PDE4D: variants seen among roughly 807,000 people sequenced by gnomAD.
PDE4D encodes the protein 3',5'-cyclic-AMP phosphodiesterase 4D.
Under a neutral mutation model 87.4 loss-of-function variants are expected in PDE4D, and 24 were observed. The ratio of observed to expected loss-of-function variants is 0.27; its 90% CI spans 0.20 to 0.39. PDE4D has a LOEUF of 0.39. Among genes scored for constraint, PDE4D ranks in the 10% least tolerant of loss-of-function variants. PDE4D has a pLI of 1.00. For synonymous variants in PDE4D, 384 were observed against 383.2 expected (o/e 1.00, Z -0.02); for missense variants, 714 against 1,041.0 (o/e 0.69, Z 4.32).
intron 3 of PDE4D, among the ~76,000 whole-genome samples, chr5:59,936,126 C>A (rs1380515733): frequency 6.6e-6 from 1 of 152,070 alleles, no homozygotes; most frequent in Non-Finnish European, 1.5e-5. Context: ...AAACCAAACA[C>A]CGCATGTTCT....
At chr5:60,132,626 T>C (rs1428562296) in intron 2 of PDE4D, among the ~76,000 whole-genome samples, 1 of 152,200 alleles carries the variant, frequency 6.6e-6, no homozygotes, top group Admixed American at 6.5e-5. Context: ...AGATACTTTC[T>C]GGTAAAATAG....
rs77487115 is a variant in PDE4D, at chr5:59,601,908, T to C, written c.455+291260A>G. Among the ~76,000 whole-genome samples the C allele has an allele frequency of 1.1e-4, 16 of 152,202 alleles. No homozygotes were observed. In the East Asian group the frequency reaches 3.1e-3, roughly 29 times the overall value. On this transcript the variant is annotated intron_variant, in intron 1 of 14. Coordinates refer to ENST00000340635, the MANE Select transcript of PDE4D (RefSeq NM_001104631.2). ...CAAAAACTTGATGGGGTGGAATACT[T>C]CCAAACTCATTTTACGAATCTAGCA...
chr5:59,257,217 C>T (rs1008952401), intron 1 of PDE4D, among the ~76,000 whole-genome samples: 2 of 151,990 alleles, frequency 1.3e-5, no homozygotes, highest in African/African-American at 4.8e-5. Context: ...GGAAAATGAT[C>T]GTGGCAATGA....
chr5:59,101,490 A>T (rs746977648), intron 5 of PDE4D, among the ~76,000 whole-genome samples: 3 of 152,192 alleles, frequency 2.0e-5, no homozygotes, highest in African/African-American at 4.8e-5. Flanking sequence ...ATTTTTCCAA[A>T]AATAATAAAT....
rs373073793 is a variant in PDE4D at position 59,950,436 on chromosome 5, T to C, written c.272+38052A>G. On this transcript the variant is annotated intron_variant, in intron 3 of 16. Transcript: ENST00000502484. ...TTTTATAATTAGATCTTCAGTAATA[T>C]TCATAAGTATTATAAAATAGATGCT... Among the ~76,000 whole-genome samples the C allele has an allele frequency of 5.3e-5, 8 of 152,272 alleles. No individual in the cohort carries two copies. In the South Asian group the frequency reaches 8.3e-4, roughly 16 times the overall value.
chr5:59,268,466 G>C (rs1397927962), intron 1 of PDE4D, among the ~76,000 whole-genome samples: 1 of 152,014 alleles, frequency 6.6e-6, no homozygotes, highest in Non-Finnish European at 1.5e-5. Flanking sequence ...ACCCAGGCTT[G>C]CTGTCATTGT....
intron 11 of PDE4D, among the ~76,000 whole-genome samples, chr5:58,987,963 G>GACTT (rs70973171): frequency 0.11 from 16,138 of 152,068 alleles, 954 homozygotes; most frequent in Admixed American, 0.15. Context: ...ATTCAGTGAT[G>GACTT]ACTTCTTATA....
At chr5:59,286,454 G>A (rs536764035) in intron 1 of PDE4D, among the ~76,000 whole-genome samples, 8 of 152,200 alleles carry the variant, frequency 5.3e-5, no homozygotes, top group South Asian at 4.1e-4. Flanking sequence ...TAAACAAATC[G>A]TATTTTAAGT....
intron 2 of PDE4D, among the ~76,000 whole-genome samples, chr5:60,059,184 C>T (rs1771130961): frequency 6.6e-6 from 1 of 151,780 alleles, no homozygotes; most frequent in Non-Finnish European, 1.5e-5. Flanking sequence ...TTCCTGAGAA[C>T]TAAGTTTTAA....
chr5:59,480,479 A>AC (rs1488544245), intron 1 of PDE4D, among the ~76,000 whole-genome samples: 2 of 151,906 alleles, frequency 1.3e-5, no homozygotes, highest in East Asian at 3.9e-4. Flanking sequence ...TCCCACTACC[A>AC]CCCAACACCC....
At chr5:59,076,660 T>G (rs915193213) in intron 5 of PDE4D, among the ~76,000 whole-genome samples, 2 of 152,174 alleles carry the variant, frequency 1.3e-5, no homozygotes, top group Admixed American at 1.3e-4. Context: ...GGGATTACTT[T>G]TCTTTGCCAA....
intron 1 of PDE4D, among the ~76,000 whole-genome samples, chr5:59,338,710 T>C (rs1047520933): frequency 1.3e-5 from 2 of 152,200 alleles, no homozygotes; most frequent in African/African-American, 4.8e-5. Context: ...AGAGCAAGTA[T>C]GCACTTTCCA....
chr5:59,923,053 A>T (rs183057971), intron 3 of PDE4D, among the ~76,000 whole-genome samples: 230 of 152,210 alleles, frequency 1.5e-3, no homozygotes, highest in Admixed American at 3.2e-3. Context: ...TTGAGTAAAC[A>T]CTGGCAGTAG....
intron 6 of PDE4D, among the ~76,000 whole-genome samples, chr5:59,005,419 G>A (rs1185207379): frequency 3.9e-5 from 6 of 151,966 alleles, no homozygotes; most frequent in Non-Finnish European, 7.4e-5. Flanking sequence ...ATATTTCTAG[G>A]GAATAAGAAA....
intron 1 of PDE4D, among the ~76,000 whole-genome samples, chr5:59,698,540 A>G (rs527981994): frequency 1.4e-4 from 21 of 152,274 alleles, no homozygotes; most frequent in Non-Finnish European, 4.4e-5. Flanking sequence ...CTGTAAACTG[A>G]CTTGTTTAAA....
At chr5:59,108,300 G>T (rs964582629) in intron 5 of PDE4D, among the ~76,000 whole-genome samples, 1 of 152,004 alleles carries the variant, frequency 6.6e-6, no homozygotes, top group Non-Finnish European at 1.5e-5. Context: ...CCTAAATTTT[G>T]TTTAGGATAC....
Position 60,298,192 on chromosome 5 carries a change from T to C in PDE4D, c.-89-112505A>G, listed in dbSNP as rs1178144544. 3.3e-5 allele frequency among the ~76,000 whole-genome samples: 5 copies of C among 152,134 alleles called. No homozygotes were observed. The East Asian group carries it at 9.7e-4, about 29-fold the overall frequency. ...ACAGGAAAAAATTCCAATTAACTTA[T>C]CAGGTACAGAAAATTTATTTGCATT... On this transcript the variant is annotated intron_variant, in intron 1 of 16. Transcript: ENST00000502484.
At chr5:59,484,933 T>C (rs1411686231) in intron 1 of PDE4D, among the ~76,000 whole-genome samples, 1 of 152,192 alleles carries the variant, frequency 6.6e-6, no homozygotes, top group East Asian at 1.9e-4. Flanking sequence ...TCCACCATGA[T>C]GCATGAGACT....
In PDE4D at chr5:60,190,517, T is replaced by G. The variant is rs375123482; in HGVS notation, c.-89-4830A>C. Among the ~76,000 whole-genome samples the G allele has an allele frequency of 1.6e-4, 25 of 152,324 alleles. No individual in the cohort carries two copies. In the South Asian group the frequency reaches 4.8e-3, roughly 29 times the overall value. ...GAGTGCTGTTTATCTGAAGCTATGC[T>G]TTATCTGAGCTCCTGCTAGAGGCTA... On this transcript the variant is annotated intron_variant, in intron 1 of 16. Coordinates refer to the PDE4D transcript ENST00000502484.
Sources: allele counts gnomAD v4.1 joint callset (sites outside exome capture counted in the v4.1 genomes callset), GRCh38; gene constraint gnomAD v4.1.1; transcripts MANE v1.5; gene names NCBI Gene and HGNC (gene_info 2026-07-23, HGNC 2026-07-21).